The following FAM222B variants were observed in gnomAD, a reference collection of about 807,000 sequenced individuals.
The protein encoded by FAM222B is protein FAM222B.
In FAM222B, 12 loss-of-function variants were observed where a neutral mutation model predicts 38.0. The observed-to-expected ratio is 0.32, with a 90% confidence interval of 0.20 to 0.51. FAM222B has a LOEUF of 0.51. Ranked by LOEUF, FAM222B falls within the 20% of genes least tolerant of loss-of-function variation. The probability of loss-of-function intolerance (pLI) is 0.97; values close to 1 mark genes in which losing one functional copy is unlikely to be tolerated. For synonymous variants in FAM222B, 329 were observed against 317.2 expected, an observed-to-expected ratio of 1.04 and a Z score of -0.40; for missense variants, 716 against 754.2, an observed-to-expected ratio of 0.95 and a Z score of 0.59.
intron 1 of FAM222B, among the ~76,000 whole-genome samples, chr17:28,828,062 ATAAGGGG>A (rs909647044): frequency 5.8e-4 from 86 of 148,280 alleles, no homozygotes; most frequent in African/African-American, 2.0e-3. Context: ...GATATGTCGG[ATAAGGGG>A]TAAGGAGAAA....
intron 1 of FAM222B, among the ~76,000 whole-genome samples, chr17:28,780,232 A>C (rs766008365): frequency 6.6e-6 from 1 of 152,108 alleles, no homozygotes; most frequent in Non-Finnish European, 1.5e-5. Flanking sequence ...AGCCCACTCC[A>C]GCCACTTTTA....
chr17:28,804,535 T>C (rs2037389870), intron 1 of FAM222B, among the ~76,000 whole-genome samples: 1 of 151,890 alleles, frequency 6.6e-6, no homozygotes, highest in Non-Finnish European at 1.5e-5. Flanking sequence ...GGGGTTTCAC[T>C]ATGTTGGCCA....
chr17:28,809,492 A>G (rs976041272), intron 1 of FAM222B, among the ~76,000 whole-genome samples: 4 of 152,222 alleles, frequency 2.6e-5, no homozygotes, highest in Admixed American at 6.5e-5. Flanking sequence ...ATGGCTTTCT[A>G]TAATTGTTTC....
At chr17:28,805,547 A>G (rs1348746451) in intron 1 of FAM222B, among the ~76,000 whole-genome samples, 2 of 151,942 alleles carry the variant, frequency 1.3e-5, no homozygotes, top group African/African-American at 4.8e-5. Flanking sequence ...AAAAAAATAA[A>G]AGAGGCTGAG....
chr17:28,838,609 C>CA (rs956827652), intron 1 of FAM222B, among the ~76,000 whole-genome samples: 8 of 142,566 alleles, frequency 5.6e-5, no homozygotes, highest in South Asian at 4.5e-4. Flanking sequence ...AATTTAAAAA[C>CA]AAAAAAAAGA....
intron 1 of FAM222B, among the ~76,000 whole-genome samples, chr17:28,767,331 T>C (rs969540066): frequency 6.6e-6 from 1 of 152,174 alleles, no homozygotes; most frequent in Non-Finnish European, 1.5e-5. Context: ...AATTTCTTTG[T>C]ATTTTTAGTA....
upstream of FAM222B, among the ~76,000 whole-genome samples, chr17:28,845,257 C>T (rs1472290074): frequency 2.0e-5 from 3 of 150,990 alleles, no homozygotes; most frequent in Admixed American, 6.6e-5. Flanking sequence ...AAAAATTAGC[C>T]GGGCATGGTG....
chr17:28,803,507 G>A (rs2037334760), intron 1 of FAM222B, among the ~76,000 whole-genome samples: 1 of 151,616 alleles, frequency 6.6e-6, no homozygotes, highest in South Asian at 2.1e-4. Context: ...ATCTTGCTTG[G>A]GCGGGTCTCA....
chr17:28,768,267 T>C (rs1159433176), intron 1 of FAM222B, among the ~76,000 whole-genome samples: 1 of 152,174 alleles, frequency 6.6e-6, no homozygotes, highest in African/African-American at 2.4e-5. Context: ...TCTCCTTATT[T>C]TCTTGAGAGG....
At position 28,768,615 on chromosome 17, in the gene FAM222B, T is replaced by C. The variant is rs140038955; in HGVS notation, c.-40-1908A>G. Among the ~76,000 whole-genome samples, 193 of 151,916 alleles carry C rather than the reference T, an allele frequency of 1.3e-3. 2 individuals are homozygous for C. The East Asian group carries it at 0.031, about 25-fold the overall frequency. On this transcript the variant is annotated intron_variant, in intron 1 of 2. Transcript: ENST00000581407. ...ACTTTGGGAGGCCGAGGCGGGCAGA[T>C]TACCTGAGGTCAGGAGTTCGAGAAC...
chr17:28,772,187 T>C (rs2035666188), intron 1 of FAM222B, among the ~76,000 whole-genome samples: 1 of 152,226 alleles, frequency 6.6e-6, no homozygotes, highest in Non-Finnish European at 1.5e-5. Flanking sequence ...ACACCTTCAC[T>C]CAGTGGTCTT....
At chr17:28,813,798 G>A (rs906916604) in intron 1 of FAM222B, among the ~76,000 whole-genome samples, 1 of 151,062 alleles carries the variant, frequency 6.6e-6, no homozygotes, top group Non-Finnish European at 1.5e-5. Context: ...CGCCCGCCTC[G>A]GCCTTCCAAA....
chr17:28,804,916 G>T (rs2037409087), intron 1 of FAM222B, among the ~76,000 whole-genome samples: 1 of 151,704 alleles, frequency 6.6e-6, no homozygotes, highest in Non-Finnish European at 1.5e-5. Context: ...CGTGGTGGCA[G>T]GCACCTATAG....
chr17:28,791,095 A>G (rs1047101714), intron 1 of FAM222B, among the ~76,000 whole-genome samples: 2 of 151,316 alleles, frequency 1.3e-5, no homozygotes, highest in African/African-American at 2.4e-5. Flanking sequence ...TATTTTTAGT[A>G]GAGACGGGGT....
intron 1 of FAM222B, among the ~76,000 whole-genome samples, chr17:28,768,403 G>A (rs987325612): frequency 3.9e-5 from 6 of 152,156 alleles, no homozygotes; most frequent in African/African-American, 1.4e-4. Context: ...GATAGCAACT[G>A]CAGAAAGAAC....
rs2034682015 is a variant in FAM222B, at chr17:28,756,230, G to A, written c.*2040C>T. 6.5e-6 allele frequency: 1 copy of A among 152,990 alleles called. No homozygotes were observed. The highest frequency in any genetic ancestry group is 1.5e-5 in the Non-Finnish European group (1 of 68,328). 9.5% of individuals were successfully genotyped at this position (152,990 alleles called of 1,614,324 possible). A position where few individuals can be genotyped will look rare whatever the true frequency, so the allele number is the denominator to read the frequency against. On this transcript the variant is annotated 3_prime_UTR_variant, in exon 3 of 3. Coordinates refer to ENST00000581407, the MANE Select transcript of FAM222B (RefSeq NM_001077498.3). ...GAGGGACTCAGGCTGAACTCCGAAA[G>A]AAGGAACATCTCACACCAAAGGCGA...
intron 1 of FAM222B, among the ~76,000 whole-genome samples, chr17:28,795,658 C>T (rs944762331): frequency 2.6e-5 from 4 of 152,124 alleles, no homozygotes; most frequent in African/African-American, 9.7e-5. Flanking sequence ...TCTCAAACTC[C>T]TGGGTTTAAG....
At chr17:28,846,363 C>T (rs1201897335), upstream of FAM222B, among the ~76,000 whole-genome samples, 2 of 151,180 alleles carry the variant, frequency 1.3e-5, no homozygotes, top group Non-Finnish European at 2.9e-5. Context: ...GAGACTGTGT[C>T]TCAAAAAAAT....
At chr17:28,763,416 G>A (rs1411577323) in intron 2 of FAM222B, among the ~76,000 whole-genome samples, 1 of 152,254 alleles carries the variant, frequency 6.6e-6, no homozygotes, top group Non-Finnish European at 1.5e-5. Flanking sequence ...CCCAACTGCA[G>A]GACAACCTGG....
Sources: gnomAD v4.1 joint callset for allele counts (sites outside exome capture counted in the v4.1 genomes callset) on GRCh38, gnomAD v4.1.1 for gene constraint, MANE v1.5 for transcripts, NCBI Gene and HGNC (gene_info 2026-07-23, HGNC 2026-07-21) for gene names.